Variants in COG5 observed in about 807,000 individuals in gnomAD.
COG5 encodes component of oligomeric golgi complex 5.
In COG5, 86 loss-of-function variants were observed where a neutral mutation model predicts 110.4. That is an observed-to-expected ratio of 0.78 (90% CI 0.65 to 0.93). The LOEUF is 0.93. Among genes scored for constraint, COG5 ranks in the 40% least tolerant of loss-of-function variants. The pLI is 0.00. For synonymous variants in COG5, 360 were observed against 334.6 expected (o/e 1.08, Z -0.83); for missense variants, 1,077 against 987.0 (o/e 1.09, Z -1.22).
In COG5 at chr7:107,283,752, TA is replaced by T; in HGVS notation, c.1314-21del. On this transcript the variant is annotated intron_variant, in intron 12 of 21. Transcript: ENST00000297135. ...TCTGGACTGTGGAAACAAAATTTTT[TA>T]AAAACTAACTTAAATTGCACAGAGC... The T allele has an allele frequency of 6.2e-7, 1 of 1,602,388 alleles. No individual in the cohort carries two copies. The highest frequency in any genetic ancestry group is 8.5e-7 in the Non-Finnish European group (1 of 1,169,664).
At chr7:107,322,295 T>C (rs572880902) in intron 11 of COG5, among the ~76,000 whole-genome samples, 11 of 152,282 alleles carry the variant, frequency 7.2e-5, no homozygotes, top group African/African-American at 2.2e-4. Flanking sequence ...CCTATCCTTT[T>C]CTAACACGTG....
intron 7 of COG5, among the ~76,000 whole-genome samples, chr7:107,377,574 T>C (rs558685577): frequency 6.6e-6 from 1 of 152,356 alleles, no homozygotes; most frequent in South Asian, 2.1e-4. Flanking sequence ...TTGTTATTCT[T>C]ATTTCACAGA....
chr7:107,407,109 C>T (rs4730237), intron 7 of COG5, among the ~76,000 whole-genome samples: 30,494 of 152,184 alleles, frequency 0.2, 3,349 homozygotes, highest in East Asian at 0.33. Context: ...GGGCCAGGCA[C>T]GGTGGCTCAC....
chr7:107,422,639 A>G (rs941669243), intron 6 of COG5, among the ~76,000 whole-genome samples: 1 of 151,818 alleles, frequency 6.6e-6, no homozygotes, highest in Non-Finnish European at 1.5e-5. Flanking sequence ...GGAGTTTTGG[A>G]TGACATTTTC....
At chr7:107,523,155 CTGAT>C (rs1376122828) in intron 6 of COG5, among the ~76,000 whole-genome samples, 3 of 152,098 alleles carry the variant, frequency 2.0e-5, no homozygotes, top group African/African-American at 4.8e-5. Context: ...ACAACATTGA[CTGAT>C]TGATTGATTT....
rs1329941720 is a variant in COG5 at position 107,362,407 on chromosome 7, T to C, written c.849A>G (p.Arg283=). The C allele has an allele frequency of 3.1e-6, 5 of 1,612,926 alleles. No individual in the cohort carries two copies. Among genetic ancestry groups the C allele is most frequent in the Non-Finnish European group, 4.2e-6 (5 of 1,179,086 alleles). The part of the protein sequence containing the change: ...SQSAVRGGPG[R]STMPTPGNTA... ...TATTTCCTGGGGTTGGCATGGTAGA[T>C]CGTCCAGGTCCCCCTGGTTATGAGT... The change falls in exon 9 of 22, where the codon CGA becomes CGG. Residue 283 remains arginine (R), a synonymous_variant. Transcript: ENST00000297135.
intron 17 of COG5, among the ~76,000 whole-genome samples, chr7:107,238,705 T>C (rs1299795804): frequency 1.3e-5 from 2 of 152,312 alleles, no homozygotes; most frequent in Non-Finnish European, 2.9e-5. Flanking sequence ...AGGTGTGAGG[T>C]GCAATCTCAT....
intron 10 of COG5, among the ~76,000 whole-genome samples, chr7:107,355,987 G>C (rs990132329): frequency 1.3e-5 from 2 of 152,202 alleles, no homozygotes; most frequent in Non-Finnish European, 2.9e-5. Flanking sequence ...GCACGGTATA[G>C]TCCCATGGTT....
intron 6 of COG5, among the ~76,000 whole-genome samples, chr7:107,467,942 T>C (rs1180582641): frequency 6.6e-6 from 1 of 152,122 alleles, no homozygotes; most frequent in Non-Finnish European, 1.5e-5. Flanking sequence ...AAACCCCAGA[T>C]TTTGTTTTTT....
chr7:107,431,388 G>A (rs1019991119), intron 6 of COG5, among the ~76,000 whole-genome samples: 2 of 152,180 alleles, frequency 1.3e-5, no homozygotes, highest in African/African-American at 2.4e-5. Context: ...TCTATAGAGG[G>A]AGATAACACA....
intron 3 of COG5, among the ~76,000 whole-genome samples, chr7:107,550,585 A>G (rs1802812743): frequency 6.6e-6 from 1 of 152,172 alleles, no homozygotes; most frequent in African/African-American, 2.4e-5. Context: ...AAATCTTCAC[A>G]TGATGGCTCC....
At chr7:107,365,149 A>G (rs1446429470) in intron 8 of COG5, among the ~76,000 whole-genome samples, 2 of 152,134 alleles carry the variant, frequency 1.3e-5, no homozygotes, top group East Asian at 3.8e-4. Flanking sequence ...AGACATTGCC[A>G]TTACCAGTTA....
chr7:107,233,600 T>C (rs2116430691), intron 18 of COG5, among the ~76,000 whole-genome samples: 1 of 152,288 alleles, frequency 6.6e-6, no homozygotes, highest in South Asian at 2.1e-4. Context: ...GGTCTATAGG[T>C]CCCTTCTTGA....
chr7:107,509,148 A>C (rs887881334), intron 6 of COG5, among the ~76,000 whole-genome samples: 3 of 152,066 alleles, frequency 2.0e-5, no homozygotes, highest in Non-Finnish European at 1.5e-5. Context: ...AAAAACCTTG[A>C]AAAAAAAGTA....
At chr7:107,503,300 T>C (rs1317884162) in intron 6 of COG5, among the ~76,000 whole-genome samples, 1 of 152,158 alleles carries the variant, frequency 6.6e-6, no homozygotes, top group African/African-American at 2.4e-5. Context: ...GAAGATCACT[T>C]GGTTCTAAGT....
chr7:107,214,691 G>A (rs776848053), intron 19 of COG5, among the ~76,000 whole-genome samples: 6 of 152,168 alleles, frequency 3.9e-5, no homozygotes, highest in African/African-American at 1.2e-4. Context: ...AAAGGCTGAG[G>A]TGGGCGGATC....
intron 6 of COG5, among the ~76,000 whole-genome samples, chr7:107,513,961 A>C (rs570606069): frequency 6.6e-6 from 1 of 152,048 alleles, no homozygotes; most frequent in Non-Finnish European, 1.5e-5. Flanking sequence ...TGACGAGTTA[A>C]TGGGTGCAGC....
intron 6 of COG5, among the ~76,000 whole-genome samples, chr7:107,525,249 TC>T (rs1248902538): frequency 1.3e-5 from 2 of 152,042 alleles, no homozygotes; most frequent in East Asian, 3.9e-4. Context: ...TTTTTTTTTT[TC>T]GAAGACATGA....
chr7:107,226,012 C>T (rs968582159), intron 19 of COG5, among the ~76,000 whole-genome samples: 3 of 151,980 alleles, frequency 2.0e-5, no homozygotes, highest in Non-Finnish European at 4.4e-5. Context: ...CATTGCACTC[C>T]AACCTGGGGG....
Sources: gnomAD v4.1 joint callset for allele counts (sites outside exome capture counted in the v4.1 genomes callset) on GRCh38, gnomAD v4.1.1 for gene constraint, MANE v1.5 for transcripts, NCBI Gene and HGNC (gene_info 2026-07-23, HGNC 2026-07-21) for gene names.